CTNNA2: variants seen among roughly 807,000 people sequenced by gnomAD.
CTNNA2 encodes catenin alpha 2.
CTNNA2 carries 42 observed loss-of-function variants against 101.0 expected under a neutral mutation model. The ratio of observed to expected loss-of-function variants is 0.42; its 90% CI spans 0.32 to 0.54. CTNNA2 has a LOEUF of 0.54. CTNNA2 is among the 20% of genes least tolerant of loss of function. The probability of loss-of-function intolerance (pLI) is 0.14; values close to 1 mark genes in which losing one functional copy is unlikely to be tolerated. For missense variants in CTNNA2, 871 were observed against 1,223.1 expected (o/e 0.71, Z 4.29); for synonymous variants, 450 against 456.4 (o/e 0.99, Z 0.18).
At chr2:80,376,164 T>TA (rs1476167111) in intron 7 of CTNNA2, among the ~76,000 whole-genome samples, 1 of 152,178 alleles carries the variant, frequency 6.6e-6, no homozygotes, top group Non-Finnish European at 1.5e-5. Context: ...GTTTTTTGTT[T>TA]AGAGTCATAC....
rs549962034 is a variant in CTNNA2 at position 79,660,354 on chromosome 2, G to A, written c.102+8696G>A. On this transcript the variant is annotated intron_variant, in intron 2 of 18. Transcript: ENST00000402739. ...GTATGTATACTATACATATGTGTAT[G>A]TATACTAAATACATACACATATATA... is the stretch of plus-strand genomic sequence containing the variant. Among the ~76,000 whole-genome samples the A allele has an allele frequency of 2.7e-5, 4 of 150,354 alleles. No individual in the cohort carries two copies. The South Asian group carries it at 6.3e-4, about 24-fold the overall frequency.
chr2:79,664,683 ATTC>A (rs1682270999), intron 2 of CTNNA2, among the ~76,000 whole-genome samples: 1 of 149,144 alleles, frequency 6.7e-6, no homozygotes, highest in Middle Eastern at 3.5e-3. Context: ...TAATTTGTAA[ATTC>A]TGGAGAATTC....
At chr2:79,775,059 G>A (rs1673863318) in intron 3 of CTNNA2, among the ~76,000 whole-genome samples, 1 of 152,106 alleles carries the variant, frequency 6.6e-6, no homozygotes, top group African/African-American at 2.4e-5. Context: ...GGAAGGGGGC[G>A]ATATTCATAA....
At chr2:80,266,405 T>A (rs1673004190) in intron 7 of CTNNA2, among the ~76,000 whole-genome samples, 1 of 152,158 alleles carries the variant, frequency 6.6e-6, no homozygotes, top group South Asian at 2.1e-4. Context: ...TAAGAGAGTG[T>A]GTGGGGGCTC....
chr2:79,860,234 A>G (rs1681483197), intron 4 of CTNNA2, among the ~76,000 whole-genome samples: 1 of 152,220 alleles, frequency 6.6e-6, no homozygotes, highest in African/African-American at 2.4e-5. Flanking sequence ...CAGCAAGGAA[A>G]TAATACGACT....
intron 7 of CTNNA2, among the ~76,000 whole-genome samples, chr2:80,169,204 T>C: frequency 6.6e-6 from 1 of 152,190 alleles, no homozygotes; most frequent in East Asian, 1.9e-4. Flanking sequence ...ATCCCCCAAA[T>C]GCTGTTATTT....
intron 3 of CTNNA2, among the ~76,000 whole-genome samples, chr2:79,357,858 G>GT (rs796209390): frequency 6.6e-5 from 10 of 152,100 alleles, no homozygotes; most frequent in African/African-American, 2.4e-4. Flanking sequence ...AAAAAGAAAC[G>GT]TTTTTTTAAA....
intron 6 of CTNNA2, among the ~76,000 whole-genome samples, chr2:79,886,084 G>T (rs749468034): frequency 3.3e-4 from 51 of 152,292 alleles, no homozygotes; most frequent in Non-Finnish European, 7.1e-4. Flanking sequence ...ACGCTGCAAT[G>T]CATAAATGCT....
At position 79,411,723 on chromosome 2, in the gene CTNNA2, T is replaced by C. The variant is rs546321263; in HGVS notation, c.-135+37710T>C. 1.3e-3 allele frequency among the ~76,000 whole-genome samples: 201 copies of C among 151,976 alleles called. 1 individual carries two copies. The highest frequency in any genetic ancestry group is 4.6e-3 in the African/African-American group (191 of 41,482). ...GAGATTTTGTCACCACCAGGCCTGC[T>C]CTAAAAGAGCTCCTGAAGGAAACAC... On this transcript the variant is annotated intron_variant, in intron 4 of 21. Coordinates refer to the CTNNA2 transcript ENST00000466387.
chr2:79,310,221 G>C (rs868435765), intron 2 of CTNNA2, among the ~76,000 whole-genome samples: 2 of 151,988 alleles, frequency 1.3e-5, no homozygotes, highest in Non-Finnish European at 2.9e-5. Context: ...TGTATTAGTC[G>C]GAACTTCCAA....
At chr2:79,690,011 G>A (rs1346583792) in intron 2 of CTNNA2, among the ~76,000 whole-genome samples, 2 of 151,848 alleles carry the variant, frequency 1.3e-5, no homozygotes, top group African/African-American at 2.4e-5. Context: ...ACCCATAGAA[G>A]AAAAGAGAAA....
intron 7 of CTNNA2, among the ~76,000 whole-genome samples, chr2:80,196,375 T>C (rs1450919924): frequency 6.6e-6 from 1 of 152,162 alleles, no homozygotes; most frequent in Non-Finnish European, 1.5e-5. Context: ...AACTATGCTA[T>C]TTCCTGTGAC....
intron 7 of CTNNA2, among the ~76,000 whole-genome samples, chr2:79,968,315 G>C (rs972673340): frequency 6.6e-6 from 1 of 152,166 alleles, no homozygotes; most frequent in East Asian, 1.9e-4. Context: ...CAGGCTGACA[G>C]AGTAGCCACT....
intron 8 of CTNNA2, among the ~76,000 whole-genome samples, chr2:80,408,294 C>A (rs576579891): frequency 5.3e-5 from 8 of 152,290 alleles, no homozygotes; most frequent in South Asian, 4.1e-4. Context: ...TGGTACCAAT[C>A]CTACCACACC....
intron 7 of CTNNA2, among the ~76,000 whole-genome samples, chr2:79,917,087 T>A (rs964385289): frequency 4.6e-5 from 7 of 151,530 alleles, no homozygotes; most frequent in Admixed American, 1.3e-4. Context: ...TTATTTATTT[T>A]TTTGAGACGG....
At chr2:80,265,554 C>A (rs750029145) in intron 7 of CTNNA2, among the ~76,000 whole-genome samples, 31 of 152,186 alleles carry the variant, frequency 2.0e-4, no homozygotes, top group Non-Finnish European at 2.6e-4. Flanking sequence ...AGTCTTGAGA[C>A]CCTTCCCAAA....
intron 2 of CTNNA2, among the ~76,000 whole-genome samples, chr2:79,303,205 G>A (rs2104392287): frequency 6.6e-6 from 1 of 152,254 alleles, no homozygotes; most frequent in Middle Eastern, 3.4e-3. Context: ...CTCACACTCT[G>A]ATGGAATAGA....
chr2:80,548,105 AG>A (rs1359918794), intron 11 of CTNNA2, among the ~76,000 whole-genome samples: 3 of 152,148 alleles, frequency 2.0e-5, no homozygotes, highest in Non-Finnish European at 2.9e-5. Flanking sequence ...TTGCTTAGAT[AG>A]GTATGTTCGT....
chr2:80,547,743 G>A (rs970953539), intron 11 of CTNNA2, among the ~76,000 whole-genome samples: 1 of 140,280 alleles, frequency 7.1e-6, no homozygotes, highest in African/African-American at 2.8e-5. Context: ...AGGCTGGAGT[G>A]CAATGGCGCG....
Sources: gnomAD v4.1 joint callset for allele counts (sites outside exome capture counted in the v4.1 genomes callset) on GRCh38, gnomAD v4.1.1 for gene constraint, MANE v1.5 for transcripts, NCBI Gene and HGNC (gene_info 2026-07-23, HGNC 2026-07-21) for gene names.